FARS2: variants seen among roughly 807,000 people sequenced by gnomAD.
The protein encoded by FARS2 is phenylalanyl-tRNA synthetase 2, mitochondrial.
In FARS2, 40 loss-of-function variants were observed where a neutral mutation model predicts 46.4. The observed-to-expected ratio is 0.86, with a 90% CI of 0.67 to 1.12. FARS2 has a LOEUF of 1.12. Ranked by LOEUF, FARS2 falls within the 50% of genes most tolerant of loss-of-function variation. The pLI, the probability that FARS2 is intolerant of heterozygous loss-of-function variation, is 0.00. For synonymous variants in FARS2, 234 were observed against 214.9 expected, an observed-to-expected ratio of 1.09 and a Z score of -0.78; for missense variants, 513 against 567.9, an observed-to-expected ratio of 0.90 and a Z score of 0.98.
At chr6:5,652,131 T>G (rs1307972719) in intron 6 of FARS2, among the ~76,000 whole-genome samples, 1 of 152,202 alleles carries the variant, frequency 6.6e-6, no homozygotes, top group Non-Finnish European at 1.5e-5. Flanking sequence ...ATGTGAGGCA[T>G]GAAGGAGCTA....
chr6:5,319,721 A>G (rs1488622143), intron 1 of FARS2, among the ~76,000 whole-genome samples: 1 of 152,108 alleles, frequency 6.6e-6, no homozygotes, highest in East Asian at 1.9e-4. Context: ...CTGAGGAGGA[A>G]AGAATCGAGT....
intron 3 of FARS2, among the ~76,000 whole-genome samples, chr6:5,407,513 T>G (rs1761682742): frequency 6.6e-6 from 1 of 152,138 alleles, no homozygotes; most frequent in African/African-American, 2.4e-5. Context: ...TTTCAAAAAG[T>G]GCACATCAAC....
chr6:5,298,564 A>C (rs1768060034), intron 1 of FARS2, among the ~76,000 whole-genome samples: 1 of 152,246 alleles, frequency 6.6e-6, no homozygotes, highest in African/African-American at 2.4e-5. Flanking sequence ...AGTACACTGC[A>C]GTCCACCTGG....
At chr6:5,469,413 C>G (rs1390623785) in intron 4 of FARS2, among the ~76,000 whole-genome samples, 1 of 152,268 alleles carries the variant, frequency 6.6e-6, no homozygotes, top group Admixed American at 6.5e-5. Context: ...TAGCTAATCC[C>G]TCCGCTGGAT....
chr6:5,619,769 C>T (rs752940703), intron 6 of FARS2, among the ~76,000 whole-genome samples: 2 of 152,088 alleles, frequency 1.3e-5, no homozygotes, highest in African/African-American at 4.8e-5. Flanking sequence ...GGTCAAAGCT[C>T]TTCCTCCTGC....
intron 1 of FARS2, among the ~76,000 whole-genome samples, chr6:5,294,771 C>T (rs548447483): frequency 1.8e-4 from 27 of 152,246 alleles, no homozygotes; most frequent in Admixed American, 5.9e-4. Flanking sequence ...CCATGCCCTC[C>T]CTGGGTGTTC....
chr6:5,542,584 G>T (rs1180872173), intron 4 of FARS2, among the ~76,000 whole-genome samples: 1 of 152,112 alleles, frequency 6.6e-6, no homozygotes, highest in Non-Finnish European at 1.5e-5. Context: ...TAGATGTCAG[G>T]ATGCTCCCCA....
intron 6 of FARS2, among the ~76,000 whole-genome samples, chr6:5,709,697 T>TGTGTGTGCGCGC (rs148741094): frequency 9.8e-5 from 9 of 91,502 alleles, no homozygotes; most frequent in Non-Finnish European, 1.9e-4. Context: ...TGTGTGTGTG[T>TGTGTGTGCGCGC]GCGCATGCAC....
At chr6:5,263,603 T>C (rs774159104) in intron 1 of FARS2, among the ~76,000 whole-genome samples, 5 of 152,238 alleles carry the variant, frequency 3.3e-5, no homozygotes, top group Non-Finnish European at 4.4e-5. Context: ...CGTCCTTTAA[T>C]AGTCATTCTA....
At chr6:5,323,037 T>C (rs1770093597) in intron 1 of FARS2, among the ~76,000 whole-genome samples, 1 of 152,234 alleles carries the variant, frequency 6.6e-6, no homozygotes, top group African/African-American at 2.4e-5. Context: ...AATGCATTAT[T>C]ACTTTTATCA....
At chr6:5,503,405 C>CACACAGAG (rs888782982) in intron 4 of FARS2, among the ~76,000 whole-genome samples, 60 of 39,614 alleles carry the variant, frequency 1.5e-3, no homozygotes, top group African/African-American at 4.9e-3. Flanking sequence ...CACACACACA[C>CACACAGAG]AGAGAGAGAG....
chr6:5,253,057 T>C, the FARS2 span, among the ~76,000 whole-genome samples: 2 of 152,204 alleles, frequency 1.3e-5, no homozygotes, highest in African/African-American at 4.8e-5. Flanking sequence ...TAAACTTCTT[T>C]AGGAGCTTGT....
At chr6:5,541,035 G>A (rs1280990525) in intron 4 of FARS2, among the ~76,000 whole-genome samples, 2 of 152,184 alleles carry the variant, frequency 1.3e-5, no homozygotes, top group African/African-American at 2.4e-5. Context: ...CTTGCAGTCT[G>A]CAGATTCCTA....
At chr6:5,358,373 A>T (rs1758072466) in intron 1 of FARS2, among the ~76,000 whole-genome samples, 1 of 152,142 alleles carries the variant, frequency 6.6e-6, no homozygotes, top group South Asian at 2.1e-4. Flanking sequence ...TAATTATGCC[A>T]ACATTCCCCA....
chr6:5,516,055 A>C (rs1561678197), intron 4 of FARS2, among the ~76,000 whole-genome samples: 1 of 152,146 alleles, frequency 6.6e-6, no homozygotes, highest in Non-Finnish European at 1.5e-5. Flanking sequence ...TGTTCTTGCA[A>C]ATGCTCCGAG....
chr6:5,707,821 G>A (rs987847543), intron 6 of FARS2, among the ~76,000 whole-genome samples: 1 of 152,188 alleles, frequency 6.6e-6, no homozygotes, highest in African/African-American at 2.4e-5. Context: ...CGGGGCCCCA[G>A]ACAGGATGAA....
intron 1 of FARS2, among the ~76,000 whole-genome samples, chr6:5,310,086 T>C (rs980516699): frequency 1.3e-5 from 2 of 152,150 alleles, no homozygotes; most frequent in African/African-American, 2.4e-5. Context: ...GAAATTAGAT[T>C]ATGATAATGA....
At chr6:5,703,527 C>A (rs1044094059) in intron 6 of FARS2, among the ~76,000 whole-genome samples, 2 of 152,070 alleles carry the variant, frequency 1.3e-5, no homozygotes, top group Non-Finnish European at 2.9e-5. Context: ...ACATTTTATC[C>A]CACAACTCTG....
intron 6 of FARS2, among the ~76,000 whole-genome samples, chr6:5,699,547 G>A (rs888827202): frequency 7.3e-5 from 11 of 150,074 alleles, no homozygotes; most frequent in South Asian, 4.2e-4. Flanking sequence ...TCACTCTGTC[G>A]TCCAGGCTGG....
Sources: allele counts gnomAD v4.1 joint callset (sites outside exome capture counted in the v4.1 genomes callset), GRCh38; gene constraint gnomAD v4.1.1; transcripts MANE v1.5; gene names NCBI Gene and HGNC (gene_info 2026-07-23, HGNC 2026-07-21).